Variants in GNAQ observed in about 807,000 individuals in gnomAD.
The protein encoded by GNAQ is guanine nucleotide-binding protein G(q) subunit alpha.
GNAQ carries 8 observed loss-of-function variants against 43.9 expected under a neutral mutation model. That is an observed-to-expected ratio of 0.18 (90% CI 0.11 to 0.33). GNAQ has a LOEUF of 0.33. Ranked by LOEUF, GNAQ falls within the 10% of genes least tolerant of loss-of-function variation. GNAQ has a pLI of 1.00. For synonymous variants in GNAQ, 155 were observed against 170.7 expected, an observed-to-expected ratio of 0.91 and a Z score of 0.71; for missense variants, 158 against 450.8, an observed-to-expected ratio of 0.35 and a Z score of 5.88.
chr9:77,774,589 G>A (rs1234999330), intron 5 of GNAQ, among the ~76,000 whole-genome samples: 1 of 152,144 alleles, frequency 6.6e-6, no homozygotes, highest in Non-Finnish European at 1.5e-5. Context: ...GGCCTCCCTA[G>A]TAGCTAAGAC....
Position 77,720,185 on chromosome 9 carries a change from A to G in GNAQ, c.*1138T>C, listed in dbSNP as rs2118186329. On this transcript the variant is annotated 3_prime_UTR_variant, in exon 7 of 7. Transcript: ENST00000286548. ...CGTGAGAATCAAATTTCTAGTTACAACTGTTTGGCAAATGGCATTTCTGGT... is the reference window on the plus strand; with the variant it reads ...CGTGAGAATCAAATTTCTAGTTACAGCTGTTTGGCAAATGGCATTTCTGGT... The G allele has an allele frequency of 1.3e-5, 3 of 233,348 alleles. 1 individual carries two copies. In the South Asian group the frequency reaches 5.4e-4, roughly 42 times the overall value. The allele number at this position is 233,348 out of a possible 1,614,324, so 14.5% of individuals were successfully genotyped here.
At chr9:77,774,356 C>A (rs1265917405) in intron 5 of GNAQ, among the ~76,000 whole-genome samples, 1 of 152,122 alleles carries the variant, frequency 6.6e-6, no homozygotes, top group East Asian at 1.9e-4. Context: ...GCTTCTCGGA[C>A]CAGACATTTG....
chr9:78,008,819 G>A lies in GNAQ; in HGVS notation c.136+22281C>T, dbSNP rs139037038. On this transcript the variant is annotated intron_variant, in intron 1 of 6. Transcript: ENST00000286548. ...ATTTCAGTAGAGACAGGGTTTCACCGTGTTAACCAGGATGGTCTAGATTTC... is the reference window on the plus strand; with the variant it reads ...ATTTCAGTAGAGACAGGGTTTCACCATGTTAACCAGGATGGTCTAGATTTC... Among the ~76,000 whole-genome samples the A allele has an allele frequency of 5.3e-5, 8 of 152,222 alleles. No homozygotes were observed. In the East Asian group the frequency reaches 5.8e-4, roughly 11 times the overall value.
intron 3 of GNAQ, among the ~76,000 whole-genome samples, chr9:77,814,621 C>A (rs984991906): frequency 5.3e-5 from 8 of 152,130 alleles, no homozygotes; most frequent in Non-Finnish European, 1.0e-4. Context: ...ACTGAAAAAA[C>A]AGAGTCATAT....
intron 2 of GNAQ, among the ~76,000 whole-genome samples, chr9:77,898,264 T>C (rs934093520): frequency 2.6e-5 from 4 of 152,168 alleles, no homozygotes; most frequent in Admixed American, 2.0e-4. Flanking sequence ...CCCTCTCCAA[T>C]AGCTTTTGGG....
intron 1 of GNAQ, among the ~76,000 whole-genome samples, chr9:77,947,885 C>T (rs1293693392): frequency 6.6e-6 from 1 of 152,166 alleles, no homozygotes; most frequent in Non-Finnish European, 1.5e-5. Context: ...CACAGCCCAG[C>T]TACTTAACAG....
intron 5 of GNAQ, among the ~76,000 whole-genome samples, chr9:77,763,117 CA>C (rs1043866097): frequency 7.8e-5 from 9 of 115,508 alleles, no homozygotes; most frequent in East Asian, 4.6e-4. Flanking sequence ...TAAAAAAAAA[CA>C]AAAAAATAAA....
At chr9:77,733,749 G>A (rs943066711) in intron 5 of GNAQ, among the ~76,000 whole-genome samples, 1 of 152,206 alleles carries the variant, frequency 6.6e-6, no homozygotes, top group Non-Finnish European at 1.5e-5. Flanking sequence ...AGCATGCAAT[G>A]CATCATCACA....
At chr9:77,795,907 T>C (rs1826650721) in intron 4 of GNAQ, among the ~76,000 whole-genome samples, 1 of 152,132 alleles carries the variant, frequency 6.6e-6, no homozygotes, top group African/African-American at 2.4e-5. Flanking sequence ...GTACAAAACG[T>C]GGAAAAAACA....
At chr9:77,878,999 T>C (rs924673765) in intron 2 of GNAQ, among the ~76,000 whole-genome samples, 1 of 151,954 alleles carries the variant, frequency 6.6e-6, no homozygotes, top group East Asian at 1.9e-4. Context: ...TGAGCCAAGA[T>C]TGTACCACTG....
chr9:77,900,574 G>C (rs946162088), intron 2 of GNAQ, among the ~76,000 whole-genome samples: 1 of 152,132 alleles, frequency 6.6e-6, no homozygotes, highest in African/African-American at 2.4e-5. Context: ...ACTCCATGCA[G>C]TGGAGATGGG....
At chr9:77,810,137 T>C (rs1172463020) in intron 3 of GNAQ, among the ~76,000 whole-genome samples, 1 of 152,154 alleles carries the variant, frequency 6.6e-6, no homozygotes, top group Admixed American at 6.5e-5. Context: ...AAACACCTAA[T>C]CATAGGTATT....
chr9:77,749,103 T>A (rs1825773844), intron 5 of GNAQ, among the ~76,000 whole-genome samples: 1 of 152,180 alleles, frequency 6.6e-6, no homozygotes, highest in Non-Finnish European at 1.5e-5. Flanking sequence ...GACCTTAGCA[T>A]TTGGGAAGGC....
chr9:77,755,225 G>A (rs1216636856), intron 5 of GNAQ, among the ~76,000 whole-genome samples: 1 of 152,122 alleles, frequency 6.6e-6, no homozygotes, highest in East Asian at 1.9e-4. Flanking sequence ...GCTATTAGAG[G>A]CTGGAAAGGG....
At chr9:78,007,421 C>A (rs1823720676) in intron 1 of GNAQ, among the ~76,000 whole-genome samples, 2 of 151,192 alleles carry the variant, frequency 1.3e-5, no homozygotes, top group South Asian at 4.2e-4. Flanking sequence ...AAGCAAGCCA[C>A]CCACTAGAAA....
intron 1 of GNAQ, among the ~76,000 whole-genome samples, chr9:77,941,351 G>A (rs995667272): frequency 1.1e-4 from 17 of 151,990 alleles, no homozygotes; most frequent in Admixed American, 2.0e-4. Context: ...CTGGGTTCAC[G>A]CCATTCTCCT....
At chr9:78,018,498 T>TA (rs1383229745) in intron 1 of GNAQ, among the ~76,000 whole-genome samples, 2 of 152,164 alleles carry the variant, frequency 1.3e-5, no homozygotes, top group African/African-American at 4.8e-5. Flanking sequence ...AAACAGGCTA[T>TA]AAAAAATAAT....
At chr9:77,945,048 ACAGTG>A in intron 1 of GNAQ, among the ~76,000 whole-genome samples, 1 of 152,304 alleles carries the variant, frequency 6.6e-6, no homozygotes, top group Non-Finnish European at 1.5e-5. Flanking sequence ...GTCTGTCTTC[ACAGTG>A]CAACTTCCTT....
chr9:77,775,755 T>A (rs1470114355), intron 5 of GNAQ, among the ~76,000 whole-genome samples: 1 of 152,096 alleles, frequency 6.6e-6, no homozygotes. Flanking sequence ...CTTTCACTCA[T>A]CAATTGTGTT....
Sources: gnomAD v4.1 joint callset for allele counts (sites outside exome capture counted in the v4.1 genomes callset) on GRCh38, gnomAD v4.1.1 for gene constraint, MANE v1.5 for transcripts, NCBI Gene and HGNC (gene_info 2026-07-23, HGNC 2026-07-21) for gene names.